PCDH18: variants seen among roughly 807,000 people sequenced by gnomAD.
The protein encoded by PCDH18 is protocadherin 18.
Under a neutral mutation model 71.5 loss-of-function variants are expected in PCDH18, and 38 were observed. The observed-to-expected ratio is 0.53, with a 90% confidence interval of 0.41 to 0.70. PCDH18 has a LOEUF of 0.70. Among genes scored for constraint, PCDH18 ranks in the 30% least tolerant of loss-of-function variants. The pLI is 0.00. For synonymous variants in PCDH18, 565 were observed against 505.4 expected, an observed-to-expected ratio of 1.12 and a Z score of -1.58; for missense variants, 1,334 against 1,384.6, an observed-to-expected ratio of 0.96 and a Z score of 0.58.
In PCDH18 at chr4:137,528,784, G is replaced by C; in HGVS notation, c.2524C>G (p.Gln842Glu). Residue 842 changes from glutamine to glutamate, a missense_variant, in exon 2 of 4, where the codon CAA becomes GAA. By Grantham distance (29) the Gln-to-Glu change is conservative (BLOSUM62 2). This residue lies in a region of PCDH18 where 1,011 missense variants were observed against 1,048.0 expected (regional missense o/e 0.96). Transcript: ENST00000344876. ...SQLLSMLHQG[Q>E]YQPRPSFRGN... is the part of the protein sequence containing the mutation. The stretch of plus-strand genomic sequence containing the variant: ...CGAAAACTTGGTCTTGGCTGATATT[G>C]CCCCTGGTGAAGCATTGAAAGAAGC... The C allele has an allele frequency of 6.2e-7, 1 of 1,613,416 alleles. No individual in the cohort carries two copies. Among genetic ancestry groups the C allele is most frequent in the Non-Finnish European group, 8.5e-7 (1 of 1,179,682 alleles).
rs747000221 is a variant in PCDH18 at position 137,529,838 on chromosome 4, A to G, written c.2251T>C (p.Ser751Pro). 2 of 1,611,562 alleles carry G rather than the reference A, an allele frequency of 1.2e-6. No individual in the cohort carries two copies. The highest frequency in any genetic ancestry group is 1.1e-5 in the South Asian group (1 of 90,920). Residue 751 changes from serine (S) to proline (P), a missense_variant, in exon 1 of 4, where the codon TCC becomes CCC. Ser to Pro is a moderately conservative substitution (Grantham distance 74). This residue lies in a region of PCDH18 where 1,011 missense variants were observed against 1,048.0 expected (regional missense o/e 0.96). Transcript: ENST00000344876. ...ATGTCCCCTTTGTGAATCTGCCGGGATGGCCTTTTTGGGTGGTGCTGGTAA... is the reference window on the plus strand; with the variant it reads ...ATGTCCCCTTTGTGAATCTGCCGGGGTGGCCTTTTTGGGTGGTGCTGGTAA... ...STYQHHPKRP[S>P]RQIHKGDITL...
Position 137,520,996 on chromosome 4 carries a change from T to C in PCDH18, c.*33A>G. 1 of 1,497,046 alleles carries C rather than the reference T, an allele frequency of 6.7e-7. No homozygotes were observed. Among genetic ancestry groups the C allele is most frequent in the Non-Finnish European group, 9.0e-7 (1 of 1,107,648 alleles). The allele number at this position is 1,497,046 out of a possible 1,614,324, so 92.7% of individuals were successfully genotyped here. ...GTTGTTGTTGTTCCCTATTTCCATA[T>C]ACATGGAAACAAAAATGCTTCGCTA... On this transcript the variant is annotated 3_prime_UTR_variant, in exon 4 of 4. Coordinates refer to ENST00000344876, the MANE Select transcript of PCDH18 (RefSeq NM_019035.5).
In PCDH18 at chr4:137,521,492, CTCT is replaced by C. The variant is rs771693756; in HGVS notation, c.2942_2944del (p.Lys981del). Reference sequence around the variant, plus strand: ...GGAGTCCTTTCCAAAGGTGGAAAAACTCTTCTTCTTTTCACCGGAATCTGCAGG... The same window carrying C: ...GGAGTCCTTTCCAAAGGTGGAAAAACTCTTCTTTTCACCGGAATCTGCAGG... On this transcript the variant is annotated inframe_deletion, in exon 4 of 4. Coordinates refer to ENST00000344876, the MANE Select transcript of PCDH18 (RefSeq NM_019035.5). 4.3e-6 allele frequency: 7 copies of C among 1,613,908 alleles called. No individual in the cohort carries two copies. The highest frequency in any genetic ancestry group is 1.7e-5 in the Admixed American group (1 of 59,994).
rs144573383 is a variant in PCDH18 at position 137,521,615 on chromosome 4, G to A, written c.2822C>T (p.Ser941Phe). ...CWMPPLPSPS[S>F]DYRSNMFIPG... ...AATGAACATGTTACTCCTATAATCAGAAGACGGTGAGGGCAGTGGTGGCAT... is the reference window on the plus strand; with the variant it reads ...AATGAACATGTTACTCCTATAATCAAAAGACGGTGAGGGCAGTGGTGGCAT... Residue 941 changes from serine to phenylalanine, a missense_variant, in exon 4 of 4, where the codon TCT (serine) becomes TTT (phenylalanine). Physicochemically the swap from Ser to Phe is radical, Grantham distance 155. Transcript: ENST00000344876. 1 of 1,613,728 alleles carries A rather than the reference G, an allele frequency of 6.2e-7. No homozygotes were observed. Among genetic ancestry groups the A allele is most frequent in the African/African-American group, 1.3e-5 (1 of 75,040 alleles).
Position 137,530,383 on chromosome 4 carries a change from T to C in PCDH18, c.1706A>G (p.Glu569Gly), listed in dbSNP as rs761775865. Residue 569 changes from glutamate to glycine, a missense_variant, in exon 1 of 4, where the codon GAA becomes GGA. Around this residue, in one of 3 missense-constraint regions of PCDH18, gnomAD observed 1,011 missense variants for 1,048.0 expected, o/e 0.96. Transcript: ENST00000344876. Reference sequence around the variant, plus strand: ...TATAACCACAGGAACGTTGTCATTTTCGTCAATGATGGTGAGCACAACTGT... The same window carrying C: ...TATAACCACAGGAACGTTGTCATTTCCGTCAATGATGGTGAGCACAACTGT... ...NTTVVLTIID[E>G]NDNVPVVIGP... 8 of 1,614,154 alleles carry C rather than the reference T, an allele frequency of 5.0e-6. No homozygotes were observed. The East Asian group carries it at 1.8e-4, about 36-fold the overall frequency.
intron 1 of PCDH18, 53 bp downstream of exon 1, chr4:137,529,549 C>A: frequency 1.6e-6 from 2 of 1,279,028 alleles, no homozygotes; most frequent in South Asian, 2.8e-5. Flanking sequence ...AAACACAATT[C>A]CTGAACACTA....
chr4:137,530,545 G>A lies in PCDH18; in HGVS notation c.1544C>T (p.Thr515Ile), dbSNP rs754450993. ...LESFILGSSITTYVTIDPSNG... is the reference protein window; with the variant it reads ...LESFILGSSIITYVTIDPSNG... ...AGATGGGTCAATGGTTACATATGTA[G>A]TTATGGAACTTCCTAGAATAAAACT... The change falls in exon 1 of 4, where the codon ACT becomes ATT. Residue 515 changes from threonine (T) to isoleucine (I), a missense_variant. Around this residue, in one of 3 missense-constraint regions of PCDH18, gnomAD observed 1,011 missense variants for 1,048.0 expected, o/e 0.96. Coordinates refer to ENST00000344876, the MANE Select transcript of PCDH18 (RefSeq NM_019035.5). The A allele has an allele frequency of 6.2e-7, 1 of 1,613,524 alleles. No individual in the cohort carries two copies. The highest frequency in any genetic ancestry group is 8.5e-7 in the Non-Finnish European group (1 of 1,179,506).
At chr4:137,526,338 T>A (rs1731458855) in intron 3 of PCDH18, among the ~76,000 whole-genome samples, 1 of 152,078 alleles carries the variant, frequency 6.6e-6, no homozygotes, top group African/African-American at 2.4e-5. Context: ...TAATACAATA[T>A]TGATGTCATG....
rs1218155708 is a variant in PCDH18, at chr4:137,531,879, C to T, written c.210G>A (p.Gln70=). 2 of 1,614,016 alleles carry T rather than the reference C, an allele frequency of 1.2e-6. No individual in the cohort carries two copies. Among genetic ancestry groups the T allele is most frequent in the African/African-American group, 1.3e-5 (1 of 75,044 alleles). ...CTACAAGTAGAGGAGAATTTCCCCT[C>T]TGCATGGCTCGAAATCGAACAGTAG... The part of the protein sequence containing the change: ...NPSTVRFRAM[Q]RGNSPLLVVN... The change falls in exon 1 of 4, where the codon CAG becomes CAA. Residue 70 remains glutamine, a synonymous_variant. Coordinates refer to ENST00000344876, the MANE Select transcript of PCDH18 (RefSeq NM_019035.5).
In PCDH18 at chr4:137,521,311, C is replaced by G. The variant is rs768186798; in HGVS notation, c.3126G>C (p.Leu1042Phe). 6.2e-7 allele frequency: 1 copy of G among 1,614,178 alleles called. No individual in the cohort carries two copies. The highest frequency in any genetic ancestry group is 8.5e-7 in the Non-Finnish European group (1 of 1,180,036). ...GTGGGTAACCCACAGTTTTGGCTGG[C>G]AAGGGTCCCTTCCTGCGCTCCAGGG... ...SNSLERRKGP[L>F]PAKTVGYPQG... Residue 1042 changes from leucine to phenylalanine, a missense_variant, in exon 4 of 4, where the codon TTG becomes TTC. Physicochemically the swap from Leu to Phe is conservative, Grantham distance 22. This residue lies in a region of PCDH18 where 319 missense variants were observed against 316.3 expected (regional missense o/e 1.01). Transcript: ENST00000344876.
In PCDH18 at chr4:137,528,470, C is replaced by A. The variant is rs764049861; in HGVS notation, c.2740+8G>T. Reference sequence around the variant, plus strand: ...GAAAATAAAGATTTTCTATCACTACCCTCTTACCTGCTGGAATTCTTCCAT... The same window carrying A: ...GAAAATAAAGATTTTCTATCACTACACTCTTACCTGCTGGAATTCTTCCAT... On this transcript the variant is annotated splice_region_variant and intron_variant, in intron 3 of 3. Transcript: ENST00000344876. The A allele has an allele frequency of 1.2e-6, 2 of 1,612,572 alleles. No homozygotes were observed. Among genetic ancestry groups the A allele is most frequent in the Non-Finnish European group, 1.7e-6 (2 of 1,178,882 alleles).
At chr4:137,524,237 A>G (rs1731382637) in intron 3 of PCDH18, among the ~76,000 whole-genome samples, 1 of 152,174 alleles carries the variant, frequency 6.6e-6, no homozygotes, top group Non-Finnish European at 1.5e-5. Flanking sequence ...AAGACTATGA[A>G]TTTTGTCACT....
In PCDH18 at chr4:137,521,484, T is replaced by C; in HGVS notation, c.2953A>G (p.Thr985Ala). Residue 985 changes from threonine to alanine, a missense_variant, in exon 4 of 4, where the codon ACC becomes GCC. Around this residue, in one of 3 missense-constraint regions of PCDH18, gnomAD observed 319 missense variants for 316.3 expected, o/e 1.01. Coordinates refer to ENST00000344876, the MANE Select transcript of PCDH18 (RefSeq NM_019035.5). ...TCGTTTGGGGAGTCCTTTCCAAAGG[T>C]GGAAAAACTCTTCTTCTTTTCACCG... ...DSGEKKKSFS[T>A]FGKDSPNDED... is the part of the protein sequence containing the mutation. 6.2e-7 allele frequency: 1 copy of C among 1,614,112 alleles called. No individual in the cohort carries two copies. The highest frequency in any genetic ancestry group is 8.5e-7 in the Non-Finnish European group (1 of 1,180,012).
chr4:137,531,716 C>A lies in PCDH18; in HGVS notation c.373G>T (p.Val125Phe). 1 of 1,614,114 alleles carries A rather than the reference C, an allele frequency of 6.2e-7. No individual in the cohort carries two copies. Among genetic ancestry groups the A allele is most frequent in the South Asian group, 1.1e-5 (1 of 91,078 alleles). ...TEHLQLFHIE[V>F]EVLDINDNSP... ...TTGTCATTAATATCCAGCACTTCAA[C>A]TTCAATATGGAAAAGCTGCAGATGC... The change falls in exon 1 of 4, where the codon GTT (valine) becomes TTT (phenylalanine). Residue 125 changes from valine (V) to phenylalanine (F), a missense_variant. Around this residue, in one of 3 missense-constraint regions of PCDH18, gnomAD observed 1,011 missense variants for 1,048.0 expected, o/e 0.96. Transcript: ENST00000344876.
chr4:137,520,920 TATG>T lies in PCDH18; in HGVS notation c.*106_*108del. On this transcript the variant is annotated 3_prime_UTR_variant, in exon 4 of 4. Transcript: ENST00000344876. ...AATATTCAATATACACAGACACATT[TATG>T]ATAAATGCAACTATTTGGCAATGCC... 1 of 703,196 alleles carries T rather than the reference TATG, an allele frequency of 1.4e-6. No homozygotes were observed. The highest frequency in any genetic ancestry group is 2.4e-6 in the Non-Finnish European group (1 of 414,272). The allele number at this position is 703,196 out of a possible 1,614,324, so 43.6% of individuals were successfully genotyped here.
intron 3 of PCDH18, among the ~76,000 whole-genome samples, chr4:137,526,626 C>T: frequency 6.6e-6 from 1 of 152,054 alleles, no homozygotes; most frequent in East Asian, 1.9e-4. Flanking sequence ...TGCAAACAGG[C>T]TCTCAGGTAC....
At position 137,521,444 on chromosome 4, in the gene PCDH18, T is replaced by A. The variant is rs142429704; in HGVS notation, c.2993A>T (p.Asp998Val). 1.9e-6 allele frequency: 3 copies of A among 1,614,052 alleles called. No individual in the cohort carries two copies. Among genetic ancestry groups the A allele is most frequent in the African/African-American group, 2.7e-5 (2 of 74,936 alleles). Residue 998 changes from aspartate to valine, a missense_variant, in exon 4 of 4, where the codon GAT (aspartate) becomes GTT (valine). Transcript: ENST00000344876. ...KDSPNDEDTG[D>V]TSTSSLLSEM... ...CGAGAGCAGAGATGATGTGCTGGTA[T>A]CCCCAGTGTCCTCATCGTTTGGGGA... is the stretch of plus-strand genomic sequence containing the variant.
chr4:137,524,804 A>G (rs576551016), intron 3 of PCDH18, among the ~76,000 whole-genome samples: 4 of 152,174 alleles, frequency 2.6e-5, no homozygotes, highest in African/African-American at 7.2e-5. Context: ...GAGCCAAAAA[A>G]TGTGGATTAA....
In PCDH18 at chr4:137,528,724, A is replaced by C. The variant is rs142481014; in HGVS notation, c.2576+8T>G. On this transcript the variant is annotated splice_region_variant and intron_variant, in intron 2 of 3. Transcript: ENST00000344876. ...AAACTTAATAGGTAACACAAGAATA[A>C]TTCATACCTGTAGCTCCTGGAATAT... 996 of 1,610,038 alleles carry C rather than the reference A, an allele frequency of 6.2e-4. 10 individuals carry two copies. The African/African-American group carries it at 0.011, about 17-fold the overall frequency.
Sources: allele counts gnomAD v4.1 joint callset (sites outside exome capture counted in the v4.1 genomes callset), GRCh38; gene constraint gnomAD v4.1.1; regional missense constraint gnomAD v4.1.1; transcripts MANE v1.5; gene names NCBI Gene and HGNC (gene_info 2026-07-23, HGNC 2026-07-21).